The following SCLT1 variants were observed in gnomAD, a reference collection of about 807,000 sequenced individuals.
SCLT1 encodes sodium channel and clathrin linker 1, also known as sodium channel-associated protein 1.
In SCLT1, 78 loss-of-function variants were observed where a neutral mutation model predicts 112.8. The observed-to-expected ratio is 0.69, with a 90% CI of 0.58 to 0.83. SCLT1 has a LOEUF of 0.83. Ranked by LOEUF, SCLT1 falls within the 40% of genes least tolerant of loss-of-function variation. The probability of loss-of-function intolerance (pLI) is 0.00; values close to 1 mark genes in which losing one functional copy is unlikely to be tolerated. For synonymous variants in SCLT1, 257 were observed against 254.7 expected (o/e 1.01, Z -0.09); for missense variants, 747 against 770.4 (o/e 0.97, Z 0.36).
intron 10 of SCLT1, among the ~76,000 whole-genome samples, chr4:128,967,318 A>G (rs1740291987): frequency 6.6e-6 from 1 of 152,196 alleles, no homozygotes; most frequent in Non-Finnish European, 1.5e-5. Context: ...TGATGAACAT[A>G]CATGGACATG....
chr4:128,968,179 C>A (rs1051143107), intron 10 of SCLT1, among the ~76,000 whole-genome samples: 6 of 152,148 alleles, frequency 3.9e-5, no homozygotes, highest in Admixed American at 3.9e-4. Context: ...TCCCATCCCC[C>A]TCCCTTTGGC....
At chr4:128,962,734 T>C (rs1317419191) in intron 11 of SCLT1, among the ~76,000 whole-genome samples, 1 of 152,208 alleles carries the variant, frequency 6.6e-6, no homozygotes, top group Non-Finnish European at 1.5e-5. Flanking sequence ...TCCTTTTCTT[T>C]GAAACATTCC....
chr4:129,055,428 T>C (rs1287494947), intron 2 of SCLT1, among the ~76,000 whole-genome samples: 2 of 152,212 alleles, frequency 1.3e-5, no homozygotes, highest in Non-Finnish European at 2.9e-5. Context: ...ATGGGAGTTT[T>C]ATCTATAAGC....
rs145875440 is a variant in SCLT1, at chr4:129,038,958, T to C, written c.290+83A>G. ...GGTCCACATTCTTAACTATTAATAC[T>C]ATAGCTATCAAATATCAAATAACAA... On this transcript the variant is annotated intron_variant, in intron 5 of 20. Coordinates refer to ENST00000281142, the MANE Select transcript of SCLT1 (RefSeq NM_144643.4). 185 of 849,036 alleles carry C rather than the reference T, an allele frequency of 2.2e-4. No homozygotes were observed. In the African/African-American group the frequency reaches 3.0e-3, roughly 14 times the overall value. 52.6% of individuals were successfully genotyped at this position (849,036 alleles called of 1,614,324 possible). A position where few individuals can be genotyped will look rare whatever the true frequency, so the allele number is the denominator to read the frequency against.
chr4:128,890,580 C>A (rs1323473267), intron 19 of SCLT1, among the ~76,000 whole-genome samples: 1 of 152,098 alleles, frequency 6.6e-6, no homozygotes, highest in Non-Finnish European at 1.5e-5. Flanking sequence ...AAGCCTCAAT[C>A]ATAATCCAAA....
intron 5 of SCLT1, among the ~76,000 whole-genome samples, chr4:129,024,201 A>C (rs2126128476): frequency 6.6e-6 from 1 of 152,310 alleles, no homozygotes; most frequent in South Asian, 2.1e-4. Context: ...TTTTCCCAGC[A>C]CACCGCTGGA....
chr4:129,037,051 A>T (rs1302477123), intron 5 of SCLT1: 1 of 151,972 alleles, frequency 6.6e-6, no homozygotes, highest in Non-Finnish European at 1.5e-5. Context: ...TTAGTAGCAA[A>T]TATAAGAGAA....
chr4:129,030,370 A>T (rs1024641668), intron 5 of SCLT1, among the ~76,000 whole-genome samples: 3 of 152,196 alleles, frequency 2.0e-5, no homozygotes, highest in Non-Finnish European at 2.9e-5. Context: ...GAAAGATCTA[A>T]AATCAACACC....
chr4:129,060,495 C>A (rs899672990), intron 2 of SCLT1, among the ~76,000 whole-genome samples: 1 of 152,058 alleles, frequency 6.6e-6, no homozygotes, highest in East Asian at 1.9e-4. Context: ...ATACTTTCAC[C>A]TGCAGTTGGG....
At chr4:128,891,235 T>G in intron 18 of SCLT1, 98 bp from the exon 19 acceptor site, 1 of 883,020 alleles carries the variant, frequency 1.1e-6, no homozygotes, top group East Asian at 2.5e-5. Flanking sequence ...AACAAAAATA[T>G]CATCTTGAGG....
chr4:128,981,112 G>A (rs3099898), intron 9 of SCLT1, among the ~76,000 whole-genome samples: 39,253 of 152,098 alleles, frequency 0.26, 6,231 homozygotes, highest in Non-Finnish European at 0.35. Context: ...CCTTCCAGGG[G>A]CTCAAAGACT....
chr4:129,057,068 G>C (rs964599106), intron 2 of SCLT1, among the ~76,000 whole-genome samples: 1 of 152,054 alleles, frequency 6.6e-6, no homozygotes. Flanking sequence ...TTTATCGCTT[G>C]CTTTTTTTGG....
intron 18 of SCLT1, among the ~76,000 whole-genome samples, chr4:128,934,597 A>G (rs941880245): frequency 6.6e-6 from 1 of 151,846 alleles, no homozygotes; most frequent in East Asian, 1.9e-4. Context: ...GTTGCTAGGT[A>G]TTTGATGTTT....
In SCLT1 at chr4:128,975,040, C is replaced by CTTTTTTTTTTT. The variant is rs34603915; in HGVS notation, c.687-4583_687-4573dup. On this transcript the variant is annotated intron_variant, in intron 9 of 20. Coordinates refer to ENST00000281142, the MANE Select transcript of SCLT1 (RefSeq NM_144643.4). ...GATATTAAACAGATTTGAATGACAACTTTTTTTTTTTTTTTTGAGATGGAG... is the reference window on the plus strand; with the variant it reads ...GATATTAAACAGATTTGAATGACAACTTTTTTTTTTTTTTTTTTTTTTTTTTTGAGATGGAG... Among the ~76,000 whole-genome samples, 169 of 87,024 alleles carry CTTTTTTTTTTT rather than the reference C, an allele frequency of 1.9e-3. 31 individuals are homozygous for CTTTTTTTTTTT. The highest frequency in any genetic ancestry group is 3.2e-3 in the African/African-American group (60 of 18,514). The allele number at this position is 87,024 out of a possible 152,430, so 57.1% of individuals were successfully genotyped here. A position where few individuals can be genotyped will look rare whatever the true frequency, so the allele number is the denominator to read the frequency against.
chr4:129,078,451 C>A (rs1203573972), intron 2 of SCLT1, among the ~76,000 whole-genome samples: 3 of 152,018 alleles, frequency 2.0e-5, no homozygotes, highest in African/African-American at 7.2e-5. Context: ...AAGCAAAAAT[C>A]TTAAGATTCT....
intron 18 of SCLT1, among the ~76,000 whole-genome samples, chr4:128,920,461 T>C (rs1244313414): frequency 1.3e-5 from 2 of 152,144 alleles, no homozygotes; most frequent in African/African-American, 4.8e-5. Context: ...CCAGCTAATT[T>C]TTGTATTTTT....
chr4:129,086,313 GTATATATA>G (rs5861875), intron 1 of SCLT1, among the ~76,000 whole-genome samples: 88,476 of 150,020 alleles, frequency 0.59, 27,463 homozygotes, highest in South Asian at 0.7. Flanking sequence ...GTGTATGTAT[GTATATATA>G]TATATATATA....
chr4:129,080,632 T>C (rs1751853163), intron 2 of SCLT1, among the ~76,000 whole-genome samples: 2 of 152,206 alleles, frequency 1.3e-5, no homozygotes, highest in African/African-American at 4.8e-5. Context: ...AACAAGTCTC[T>C]TGGAAGTTCC....
chr4:129,064,506 G>C (rs1361103202), intron 2 of SCLT1, among the ~76,000 whole-genome samples: 2 of 152,020 alleles, frequency 1.3e-5, no homozygotes, highest in Non-Finnish European at 2.9e-5. Flanking sequence ...TATAAGTTTT[G>C]AGATTTTCAT....
Sources: allele counts gnomAD v4.1 joint callset (sites outside exome capture counted in the v4.1 genomes callset), GRCh38; gene constraint gnomAD v4.1.1; transcripts MANE v1.5; gene names NCBI Gene and HGNC (gene_info 2026-07-23, HGNC 2026-07-21).